ADAMTSL1: variants seen among roughly 807,000 people sequenced by gnomAD.
ADAMTSL1 encodes the protein ADAMTS-like protein 1.
A neutral mutation model predicts 201.8 loss-of-function variants in ADAMTSL1; 126 were observed. The ratio of observed to expected loss-of-function variants is 0.62; its 90% CI spans 0.54 to 0.72. ADAMTSL1 has a LOEUF of 0.72. ADAMTSL1 is among the 30% of genes least tolerant of loss of function. ADAMTSL1 has a pLI of 0.00. For missense variants in ADAMTSL1, 2,679 were observed against 2,277.8 expected (o/e 1.18, Z -3.59); for synonymous variants, 1,121 against 903.4 (o/e 1.24, Z -4.32).
intron 15 of ADAMTSL1, among the ~76,000 whole-genome samples, chr9:18,744,981 AGAT>A (rs1332286347): frequency 1.3e-5 from 2 of 152,212 alleles, no homozygotes; most frequent in African/African-American, 2.4e-5. Context: ...ATCAGGAGAC[AGAT>A]GATGATGATG....
Position 18,906,815 on chromosome 9 carries a change from G to T in ADAMTSL1, c.5085G>T (p.Val1695=). ...TCCAGTCCCGGCGTGTGGAGTGTGT[G>T]CATGCCCGCACCAACAAGGCAGTGC... ...YGFQSRRVEC[V]HARTNKAVPE... Residue 1695 remains valine (V), a synonymous_variant, in exon 28 of 29, where the codon GTG becomes GTT. Transcript: ENST00000380548. The T allele has an allele frequency of 3.1e-6, 5 of 1,614,022 alleles. No individual in the cohort carries two copies. Among genetic ancestry groups the T allele is most frequent in the Non-Finnish European group, 4.2e-6 (5 of 1,179,886 alleles).
intron 1 of ADAMTSL1, among the ~76,000 whole-genome samples, chr9:18,092,555 G>A (rs62549860): frequency 0.035 from 5,276 of 152,222 alleles, 132 homozygotes; most frequent in Non-Finnish European, 0.05. Flanking sequence ...AATGACTCCA[G>A]TGATACAGGA....
At chr9:18,141,579 C>A (rs935886466) in intron 1 of ADAMTSL1, among the ~76,000 whole-genome samples, 1 of 152,184 alleles carries the variant, frequency 6.6e-6, no homozygotes, top group East Asian at 1.9e-4. Flanking sequence ...ACCTGCACAG[C>A]CTGGTGGTGG....
chr9:18,276,890 T>C (rs1310276270), intron 2 of ADAMTSL1, among the ~76,000 whole-genome samples: 1 of 152,176 alleles, frequency 6.6e-6, no homozygotes, highest in Non-Finnish European at 1.5e-5. Context: ...GGAGGTCACA[T>C]TTCAACATGA....
intron 1 of ADAMTSL1, among the ~76,000 whole-genome samples, chr9:18,145,167 T>G (rs1198816368): frequency 6.6e-6 from 1 of 152,162 alleles, no homozygotes; most frequent in Admixed American, 6.6e-5. Context: ...AGTAGACTGT[T>G]GAGGATAGAA....
chr9:18,567,395 A>G (rs1821982900), intron 3 of ADAMTSL1, among the ~76,000 whole-genome samples: 2 of 152,114 alleles, frequency 1.3e-5, no homozygotes, highest in African/African-American at 4.8e-5. Flanking sequence ...GAACCCAGGC[A>G]GTAGAAGTTG....
At chr9:18,410,170 C>A (rs1818374239) in intron 2 of ADAMTSL1, among the ~76,000 whole-genome samples, 1 of 151,700 alleles carries the variant, frequency 6.6e-6, no homozygotes, top group Non-Finnish European at 1.5e-5. Context: ...TCTAATTAGT[C>A]CCTGAATCTT....
At chr9:18,013,324 CT>C (rs372432601) in intron 1 of ADAMTSL1, among the ~76,000 whole-genome samples, 1 of 151,928 alleles carries the variant, frequency 6.6e-6, no homozygotes, top group Non-Finnish European at 1.5e-5. Context: ...AAATCAGATG[CT>C]TTTTTAATGG....
intron 23 of ADAMTSL1, among the ~76,000 whole-genome samples, chr9:18,873,062 C>T (rs937985980): frequency 3.3e-5 from 5 of 152,178 alleles, no homozygotes; most frequent in Non-Finnish European, 1.5e-5. Flanking sequence ...TTGTATTTCT[C>T]TGATAATTAG....
At chr9:18,803,215 T>C (rs752669856) in intron 20 of ADAMTSL1, among the ~76,000 whole-genome samples, 7 of 152,206 alleles carry the variant, frequency 4.6e-5, no homozygotes, top group Non-Finnish European at 8.8e-5. Context: ...TTCCTCTCCA[T>C]TTGAGTTGTT....
rs1485512024 is a variant in ADAMTSL1, at chr9:18,816,879, C to T, written c.3806-230C>T. Among the ~76,000 whole-genome samples the T allele has an allele frequency of 2.6e-5, 4 of 152,066 alleles. No individual in the cohort carries two copies. The East Asian group carries it at 7.7e-4, about 29-fold the overall frequency. ...ATGGTGATCAGATCTGGGCAATTAG[C>T]ATATCCATCATTGCAAACATTTATC... On this transcript the variant is annotated intron_variant, in intron 20 of 28. Transcript: ENST00000380548.
At chr9:18,380,432 G>T (rs937016841) in intron 2 of ADAMTSL1, among the ~76,000 whole-genome samples, 4 of 152,114 alleles carry the variant, frequency 2.6e-5, no homozygotes, top group African/African-American at 9.7e-5. Context: ...AAAAATTAAG[G>T]AATAGGTATA....
intron 1 of ADAMTSL1, among the ~76,000 whole-genome samples, chr9:17,913,784 TAAAG>T (rs375777573): frequency 0.02 from 3,010 of 148,184 alleles, 105 homozygotes; most frequent in African/African-American, 0.072. Flanking sequence ...GCGAGACTAA[TAAAG>T]AAGAAAAGAG....
chr9:17,909,223 C>G (rs796083664), intron 1 of ADAMTSL1, among the ~76,000 whole-genome samples: 1 of 146,584 alleles, frequency 6.8e-6, no homozygotes, highest in Non-Finnish European at 1.5e-5. Context: ...GGGTATTAGC[C>G]CTTTGTCAGA....
At chr9:18,650,472 C>T (rs944561651) in intron 7 of ADAMTSL1, among the ~76,000 whole-genome samples, 4 of 152,106 alleles carry the variant, frequency 2.6e-5, no homozygotes, top group Non-Finnish European at 4.4e-5. Context: ...AGAAATCACC[C>T]GTCTTCTGCG....
At chr9:17,920,786 AC>A (rs1169909521) in intron 1 of ADAMTSL1, among the ~76,000 whole-genome samples, 1 of 152,186 alleles carries the variant, frequency 6.6e-6, no homozygotes, top group Non-Finnish European at 1.5e-5. Flanking sequence ...CTTTGTCCTA[AC>A]TTCTCAACTC....
intron 1 of ADAMTSL1, among the ~76,000 whole-genome samples, chr9:18,078,102 T>C (rs1369643085): frequency 6.6e-6 from 1 of 152,202 alleles, no homozygotes; most frequent in African/African-American, 2.4e-5. Flanking sequence ...CAGATAAAAG[T>C]AGTAGCATTG....
chr9:18,296,052 T>C (rs1655648541), intron 2 of ADAMTSL1, among the ~76,000 whole-genome samples: 1 of 152,196 alleles, frequency 6.6e-6, no homozygotes, highest in Non-Finnish European at 1.5e-5. Flanking sequence ...AATGTTTACC[T>C]TGCATCTAAA....
At chr9:18,575,067 CT>C (rs1417504262) in intron 4 of ADAMTSL1, among the ~76,000 whole-genome samples, 1 of 152,112 alleles carries the variant, frequency 6.6e-6, no homozygotes, top group Non-Finnish European at 1.5e-5. Context: ...GAGTATTTGC[CT>C]TTTCCAACAT....
Sources: allele counts gnomAD v4.1 joint callset (sites outside exome capture counted in the v4.1 genomes callset), GRCh38; gene constraint gnomAD v4.1.1; transcripts MANE v1.5; gene names NCBI Gene and HGNC (gene_info 2026-07-23, HGNC 2026-07-21).